COG5: variants seen among roughly 807,000 people sequenced by gnomAD.
COG5 encodes the protein conserved oligomeric Golgi complex subunit 5.
In COG5, 86 loss-of-function variants were observed where a neutral mutation model predicts 110.4. The observed-to-expected ratio is 0.78, with a 90% confidence interval of 0.65 to 0.93. The LOEUF is 0.93. Among genes scored for constraint, COG5 ranks in the 40% least tolerant of loss-of-function variants. COG5 has a pLI of 0.00. For missense variants in COG5, 1,077 were observed against 987.0 expected (o/e 1.09, Z -1.22); for synonymous variants, 360 against 334.6 (o/e 1.08, Z -0.83).
chr7:107,555,614 T>C (rs1053978077), intron 2 of COG5, among the ~76,000 whole-genome samples: 5 of 152,358 alleles, frequency 3.3e-5, no homozygotes, highest in Non-Finnish European at 5.9e-5. Flanking sequence ...TTCTCCTTTA[T>C]CACTAGTAAT....
chr7:107,508,323 G>C (rs543028444), intron 6 of COG5, among the ~76,000 whole-genome samples: 1 of 152,232 alleles, frequency 6.6e-6, no homozygotes, highest in African/African-American at 2.4e-5. Flanking sequence ...GCAGCAGCAA[G>C]GCTGGGGGAG....
At chr7:107,555,653 T>C (rs1009551461) in intron 2 of COG5, among the ~76,000 whole-genome samples, 1 of 152,200 alleles carries the variant, frequency 6.6e-6, no homozygotes, top group African/African-American at 2.4e-5. Context: ...AGCCTAAAAC[T>C]ATAGTTTCAT....
intron 18 of COG5, among the ~76,000 whole-genome samples, chr7:107,231,541 T>C (rs1223251090): frequency 6.6e-6 from 1 of 152,204 alleles, no homozygotes; most frequent in Non-Finnish European, 1.5e-5. Context: ...TTCTCCACTC[T>C]TGCTATAAAT....
At chr7:107,494,599 T>C (rs1798158298) in intron 6 of COG5, among the ~76,000 whole-genome samples, 1 of 152,208 alleles carries the variant, frequency 6.6e-6, no homozygotes, top group South Asian at 2.1e-4. Flanking sequence ...TGTAGTAGGC[T>C]ACATCATCTA....
At chr7:107,378,566 G>C (rs1172819302) in intron 7 of COG5, among the ~76,000 whole-genome samples, 1 of 152,146 alleles carries the variant, frequency 6.6e-6, no homozygotes, top group Non-Finnish European at 1.5e-5. Flanking sequence ...AATCAATTTA[G>C]AGAAGAACAT....
chr7:107,494,331 C>T (rs1798141602), intron 6 of COG5, among the ~76,000 whole-genome samples: 1 of 152,078 alleles, frequency 6.6e-6, no homozygotes, highest in South Asian at 2.1e-4. Flanking sequence ...AGCTCTAAAC[C>T]TATATAAAGC....
intron 6 of COG5, among the ~76,000 whole-genome samples, chr7:107,441,979 T>C (rs1794730540): frequency 6.6e-6 from 1 of 152,324 alleles, no homozygotes; most frequent in Middle Eastern, 3.4e-3. Flanking sequence ...TGAGCAAATA[T>C]GTTATCTAAA....
intron 6 of COG5, among the ~76,000 whole-genome samples, chr7:107,481,792 G>A (rs538346599): frequency 6.6e-6 from 1 of 152,170 alleles, no homozygotes; most frequent in South Asian, 2.1e-4. Context: ...GCAAACTGTA[G>A]CTACCTACTT....
chr7:107,507,617 T>C (rs1274394713), intron 6 of COG5, among the ~76,000 whole-genome samples: 1 of 151,928 alleles, frequency 6.6e-6, no homozygotes, highest in Non-Finnish European at 1.5e-5. Flanking sequence ...AAATAAAACT[T>C]TCTAAAATCT....
At chr7:107,490,779 G>T (rs759362991) in intron 6 of COG5, among the ~76,000 whole-genome samples, 2 of 152,070 alleles carry the variant, frequency 1.3e-5, no homozygotes, top group Admixed American at 6.6e-5. Flanking sequence ...GATCTAAATG[G>T]TTTCAAAGCC....
intron 7 of COG5, among the ~76,000 whole-genome samples, chr7:107,386,770 G>C (rs971640643): frequency 3.9e-5 from 6 of 152,132 alleles, no homozygotes; most frequent in African/African-American, 1.2e-4. Flanking sequence ...GGAACAAGTA[G>C]GGAGAAATCT....
chr7:107,263,160 A>C (rs957989980), intron 14 of COG5, among the ~76,000 whole-genome samples: 13 of 152,152 alleles, frequency 8.5e-5, no homozygotes, highest in African/African-American at 3.1e-4. Context: ...ATCTTGTATA[A>C]AGTAGGCACC....
At chr7:107,267,416 T>C (rs1803889723) in intron 14 of COG5, among the ~76,000 whole-genome samples, 3 of 152,328 alleles carry the variant, frequency 2.0e-5, no homozygotes, top group Admixed American at 6.5e-5. Flanking sequence ...ACCCATGACC[T>C]AAACACTGGC....
intron 5 of COG5, among the ~76,000 whole-genome samples, chr7:107,546,805 T>G (rs187639016): frequency 6.6e-6 from 1 of 152,072 alleles, no homozygotes; most frequent in Non-Finnish European, 1.5e-5. Flanking sequence ...TCTAGACATA[T>G]ACAACTTACA....
chr7:107,557,828 T>C, intron 2 of COG5, 148 bp downstream of exon 2: 2 of 1,072,314 alleles, frequency 1.9e-6, no homozygotes, highest in Non-Finnish European at 2.7e-6. Context: ...TTACAGAAAA[T>C]TTCAAAAATT....
chr7:107,247,655 T>C (rs940573067), intron 17 of COG5, among the ~76,000 whole-genome samples: 7 of 152,212 alleles, frequency 4.6e-5, no homozygotes, highest in African/African-American at 2.4e-5. Flanking sequence ...TGCAAATAAC[T>C]ATTCCAAATG....
At chr7:107,293,573 A>G (rs965803192) in intron 12 of COG5, among the ~76,000 whole-genome samples, 22 of 152,154 alleles carry the variant, frequency 1.4e-4, no homozygotes, top group Admixed American at 6.5e-4. Flanking sequence ...CTGGACTCCA[A>G]CTTAAATGAA....
intron 7 of COG5, among the ~76,000 whole-genome samples, chr7:107,383,159 G>A (rs1406584839): frequency 6.6e-6 from 1 of 152,164 alleles, no homozygotes; most frequent in East Asian, 1.9e-4. Flanking sequence ...ATCTGGGTGT[G>A]TCACAAGACA....
At chr7:107,347,866 C>A (rs1323731005) in intron 10 of COG5, among the ~76,000 whole-genome samples, 1 of 152,072 alleles carries the variant, frequency 6.6e-6, no homozygotes, top group African/African-American at 2.4e-5. Context: ...GTGGCTCATG[C>A]CTGCAATCCC....
Sources: gnomAD v4.1 joint callset for allele counts (sites outside exome capture counted in the v4.1 genomes callset) on GRCh38, gnomAD v4.1.1 for gene constraint, MANE v1.5 for transcripts, NCBI Gene and HGNC (gene_info 2026-07-23, HGNC 2026-07-21) for gene names.